Variants in NALF1 observed in about 807,000 individuals in gnomAD.
The protein encoded by NALF1 is NALCN channel auxiliary factor 1, also known as family with sequence similarity 155 member A.
A neutral mutation model predicts 48.4 loss-of-function variants in NALF1; 3 were observed. That is an observed-to-expected ratio of 0.06 (90% CI 0.03 to 0.16). The LOEUF is 0.16. Among genes scored for constraint, NALF1 ranks in the 10% least tolerant of loss-of-function variants. The pLI is 1.00. For synonymous variants in NALF1, 262 were observed against 245.7 expected (o/e 1.07, Z -0.62); for missense variants, 526 against 571.5 (o/e 0.92, Z 0.81).
At chr13:107,539,023 C>G (rs1229284391) in intron 1 of NALF1, among the ~76,000 whole-genome samples, 2 of 149,738 alleles carry the variant, frequency 1.3e-5, no homozygotes, top group Non-Finnish European at 2.9e-5. Context: ...AGAAATTTTG[C>G]TAAACCCTTG....
In NALF1 at chr13:107,794,645, TA is replaced by T. The variant is rs148097322; in HGVS notation, c.915+71036del. 2.1e-3 allele frequency among the ~76,000 whole-genome samples: 294 copies of T among 142,534 alleles called. 3 individuals carry two copies. The highest frequency in any genetic ancestry group is 3.7e-3 in the Middle Eastern group (1 of 272). 93.5% of individuals were successfully genotyped at this position (142,534 alleles called of 152,430 possible). On this transcript the variant is annotated intron_variant, in intron 1 of 2. Coordinates refer to ENST00000375915, the MANE Select transcript of NALF1 (RefSeq NM_001080396.3). ...ATTCTTAAAGTCCACATAATTGAGT[TA>T]AAAAAAAAAAAACCTATCATCCCCA...
At chr13:107,222,648 A>C (rs760828212) in intron 1 of NALF1, among the ~76,000 whole-genome samples, 11 of 152,228 alleles carry the variant, frequency 7.2e-5, no homozygotes, top group Non-Finnish European at 1.5e-4. Context: ...AAATTGTCAA[A>C]TTGTGTGGCA....
At chr13:107,331,248 C>A (rs776076415) in intron 1 of NALF1, among the ~76,000 whole-genome samples, 1 of 152,096 alleles carries the variant, frequency 6.6e-6, no homozygotes, top group Non-Finnish European at 1.5e-5. Context: ...GGTACGGTAT[C>A]ATTCTCAGTA....
chr13:107,844,261 CAA>C (rs761633385), intron 1 of NALF1, among the ~76,000 whole-genome samples: 2 of 151,834 alleles, frequency 1.3e-5, no homozygotes, highest in Non-Finnish European at 2.9e-5. Flanking sequence ...CTAAAAAAAT[CAA>C]ACTATACAAG....
intron 1 of NALF1, among the ~76,000 whole-genome samples, chr13:107,418,130 C>T (rs1566334209): frequency 6.6e-6 from 1 of 152,182 alleles, no homozygotes; most frequent in Non-Finnish European, 1.5e-5. Flanking sequence ...CACAGTGGTA[C>T]TATTTGTTCT....
chr13:107,500,466 G>C (rs1223622), intron 1 of NALF1, among the ~76,000 whole-genome samples: 5 of 150,626 alleles, frequency 3.3e-5, no homozygotes, highest in African/African-American at 1.2e-4. Flanking sequence ...AGGTGCTGGA[G>C]AGGATGTGGA....
At chr13:107,559,249 A>G (rs1877571833) in intron 1 of NALF1, among the ~76,000 whole-genome samples, 2 of 152,176 alleles carry the variant, frequency 1.3e-5, no homozygotes, top group Admixed American at 1.3e-4. Flanking sequence ...CAAAGTTTGC[A>G]TGGTATAAAA....
At chr13:107,758,304 G>C (rs1877172788) in intron 1 of NALF1, among the ~76,000 whole-genome samples, 1 of 152,172 alleles carries the variant, frequency 6.6e-6, no homozygotes, top group African/African-American at 2.4e-5. Context: ...GTTTATCCAT[G>C]TATGTATTCC....
rs147951832 is a variant in NALF1, at chr13:107,534,885, C to T, written c.916-324130G>A. ...AGTGTGAAGCATTTTTTTCTTCTGA[C>T]TCAAACGCATCCACATACCAAGATT... On this transcript the variant is annotated intron_variant, in intron 1 of 2. Transcript: ENST00000375915. 6.8e-3 allele frequency among the ~76,000 whole-genome samples: 1,039 copies of T among 152,198 alleles called. 12 individuals carry two copies. The highest frequency in any genetic ancestry group is 9.3e-3 in the Non-Finnish European group (629 of 67,990).
At chr13:107,282,397 G>C (rs1463244605) in intron 1 of NALF1, among the ~76,000 whole-genome samples, 1 of 152,190 alleles carries the variant, frequency 6.6e-6, no homozygotes, top group African/African-American at 2.4e-5. Context: ...GATGGACTCT[G>C]GAGGAAGCAA....
intron 1 of NALF1, among the ~76,000 whole-genome samples, chr13:107,475,608 T>A (rs879319066): frequency 1.3e-5 from 2 of 152,122 alleles, no homozygotes; most frequent in African/African-American, 4.8e-5. Context: ...CTTGGGGTAA[T>A]AAGAATTCAC....
intron 1 of NALF1, among the ~76,000 whole-genome samples, chr13:107,440,558 A>G (rs1038758230): frequency 1.3e-5 from 2 of 152,192 alleles, no homozygotes; most frequent in Non-Finnish European, 2.9e-5. Context: ...GAAAGAGAAG[A>G]GGACACCGTG....
chr13:107,855,014 C>A (rs970786491), intron 1 of NALF1, among the ~76,000 whole-genome samples: 2 of 152,184 alleles, frequency 1.3e-5, no homozygotes, highest in Admixed American at 1.3e-4. Flanking sequence ...ATCTTTTCTA[C>A]CTGCTCAGCA....
intron 1 of NALF1, among the ~76,000 whole-genome samples, chr13:107,441,313 C>A (rs1884556727): frequency 6.6e-6 from 1 of 152,174 alleles, no homozygotes; most frequent in Non-Finnish European, 1.5e-5. Flanking sequence ...TGAAGTTGTT[C>A]ATTTCTATGA....
Position 107,865,727 on chromosome 13 carries a change from T to C in NALF1, c.870A>G (p.Leu290=), listed in dbSNP as rs767940394. 6.2e-7 allele frequency: 1 copy of C among 1,614,044 alleles called. No homozygotes were observed. The highest frequency in any genetic ancestry group is 1.3e-5 in the African/African-American group (1 of 74,996). Residue 290 remains leucine (L), a synonymous_variant, in exon 1 of 3, where the codon TTA becomes TTG. Coordinates refer to ENST00000375915, the MANE Select transcript of NALF1 (RefSeq NM_001080396.3). ...EEFESVLHKY[L]QSEEYSVKSC... ...ATTTCACCGAGTACTCCTCCGACTGTAAATATTTGTGGAGCACGCTTTCAA... is the reference window on the plus strand; with the variant it reads ...ATTTCACCGAGTACTCCTCCGACTGCAAATATTTGTGGAGCACGCTTTCAA...
At chr13:107,809,655 T>A (rs1878926173) in intron 1 of NALF1, among the ~76,000 whole-genome samples, 1 of 152,250 alleles carries the variant, frequency 6.6e-6, no homozygotes, top group African/African-American at 2.4e-5. Flanking sequence ...GTGCCCTCAA[T>A]TTTTGGAAGA....
intron 1 of NALF1, among the ~76,000 whole-genome samples, chr13:107,840,459 C>G (rs905282703): frequency 7.9e-5 from 12 of 152,322 alleles, no homozygotes; most frequent in African/African-American, 2.9e-4. Flanking sequence ...GGTCAAGGTT[C>G]AAGGTGTCTG....
At chr13:107,738,670 C>A (rs1413617282) in intron 1 of NALF1, among the ~76,000 whole-genome samples, 1 of 152,004 alleles carries the variant, frequency 6.6e-6, no homozygotes, top group African/African-American at 2.4e-5. Flanking sequence ...GTAAAATTTT[C>A]TTTATTTTAT....
At chr13:107,667,783 C>A (rs574052505) in intron 1 of NALF1, among the ~76,000 whole-genome samples, 1 of 152,156 alleles carries the variant, frequency 6.6e-6, no homozygotes, top group South Asian at 2.1e-4. Context: ...AACATTTGGG[C>A]TGCTATAATA....
Sources: allele counts gnomAD v4.1 joint callset (sites outside exome capture counted in the v4.1 genomes callset), GRCh38; gene constraint gnomAD v4.1.1; transcripts MANE v1.5; gene names NCBI Gene and HGNC (gene_info 2026-07-23, HGNC 2026-07-21).